Variants in GALNT13 observed in about 807,000 individuals in gnomAD.
The protein encoded by GALNT13 is UDP-GalNAc:polypeptide N-acetylgalactosaminyltransferase 13.
In GALNT13, 28 loss-of-function variants were observed where a neutral mutation model predicts 64.2. That is an observed-to-expected ratio of 0.44 (90% CI 0.32 to 0.60). GALNT13 has a LOEUF of 0.60. GALNT13 is among the 20% of genes least tolerant of loss of function. GALNT13 has a pLI of 0.05. For missense variants in GALNT13, 577 were observed against 669.8 expected (o/e 0.86, Z 1.53); for synonymous variants, 214 against 224.6 (o/e 0.95, Z 0.42).
chr2:153,524,064 TTTTG>T, the GALNT13 span, among the ~76,000 whole-genome samples: 25 of 152,166 alleles, frequency 1.6e-4, no homozygotes, highest in African/African-American at 4.8e-4. Context: ...ATTCATGTGT[TTTTG>T]TTTGTTTGTT....
the GALNT13 span, among the ~76,000 whole-genome samples, chr2:153,812,993 A>C: frequency 2.0e-5 from 3 of 152,190 alleles, no homozygotes; most frequent in Non-Finnish European, 4.4e-5. Flanking sequence ...TATAAAAATG[A>C]TCAAAGTGGT....
chr2:154,364,473 G>T (rs1458754742), intron 9 of GALNT13, among the ~76,000 whole-genome samples: 1 of 151,726 alleles, frequency 6.6e-6, no homozygotes, highest in Non-Finnish European at 1.5e-5. Context: ...TGTGATCACG[G>T]GCAGTTAGAA....
At chr2:153,718,426 TC>T in the GALNT13 span, among the ~76,000 whole-genome samples, 1 of 151,810 alleles carries the variant, frequency 6.6e-6, no homozygotes, top group Non-Finnish European at 1.5e-5. Context: ...TTTTTTTTTT[TC>T]ATGTTTTTGT....
chr2:153,631,987 A>G, the GALNT13 span, among the ~76,000 whole-genome samples: 1 of 152,126 alleles, frequency 6.6e-6, no homozygotes. Context: ...CCTACCTCTT[A>G]GGATAAAAAT....
the GALNT13 span, among the ~76,000 whole-genome samples, chr2:153,330,822 G>A: frequency 6.6e-6 from 1 of 152,138 alleles, no homozygotes. Flanking sequence ...ATGTTGGATA[G>A]CAGTAGTGAC....
chr2:153,588,567 G>T, the GALNT13 span, among the ~76,000 whole-genome samples: 4 of 152,184 alleles, frequency 2.6e-5, no homozygotes, highest in African/African-American at 9.6e-5. Flanking sequence ...CTGGGATGCA[G>T]GGCACCCTGA....
At chr2:153,812,169 A>G in the GALNT13 span, among the ~76,000 whole-genome samples, 1 of 152,324 alleles carries the variant, frequency 6.6e-6, no homozygotes, top group African/African-American at 2.4e-5. Context: ...AAATAAAATC[A>G]TGCATATTGT....
chr2:153,074,234 G>A, the GALNT13 span, among the ~76,000 whole-genome samples: 4 of 152,096 alleles, frequency 2.6e-5, no homozygotes, highest in African/African-American at 4.8e-5. Context: ...CACTGCATTA[G>A]CTATTGTGCT....
chr2:153,906,013 C>T (rs1574084033), intron 2 of GALNT13, among the ~76,000 whole-genome samples: 1 of 151,846 alleles, frequency 6.6e-6, no homozygotes, highest in Admixed American at 6.6e-5. Context: ...GAAATTTCAT[C>T]AAGCTACACA....
At chr2:153,217,187 TTAAG>T in the GALNT13 span, among the ~76,000 whole-genome samples, 3 of 152,084 alleles carry the variant, frequency 2.0e-5, no homozygotes, top group Non-Finnish European at 4.4e-5. Context: ...ATTTGTTGTA[TTAAG>T]TAGTCTATCT....
the GALNT13 span, among the ~76,000 whole-genome samples, chr2:153,333,659 C>T: frequency 1.1e-4 from 17 of 152,286 alleles, no homozygotes; most frequent in South Asian, 3.3e-3. Flanking sequence ...TTCCACATCA[C>T]AAAAATTTCC....
chr2:153,641,313 T>C, the GALNT13 span, among the ~76,000 whole-genome samples: 1 of 152,178 alleles, frequency 6.6e-6, no homozygotes, highest in Non-Finnish European at 1.5e-5. Flanking sequence ...GAAATATTTC[T>C]TAAGTGGTTA....
At chr2:153,650,559 C>G in the GALNT13 span, among the ~76,000 whole-genome samples, 1 of 152,196 alleles carries the variant, frequency 6.6e-6, no homozygotes, top group South Asian at 2.1e-4. Context: ...CTTCCTAGCA[C>G]TGATGGTCTT....
chr2:153,866,441 T>G, the GALNT13 span, among the ~76,000 whole-genome samples: 3 of 152,190 alleles, frequency 2.0e-5, no homozygotes, highest in South Asian at 6.2e-4. Flanking sequence ...TTTTTTGCTC[T>G]CATATATCCT....
chr2:154,418,050 G>T (rs1276263857), intron 11 of GALNT13, among the ~76,000 whole-genome samples: 1 of 151,924 alleles, frequency 6.6e-6, no homozygotes, highest in African/African-American at 2.4e-5. Flanking sequence ...ATAAATTGTA[G>T]TCTTTTTTGG....
At chr2:153,734,476 G>T in the GALNT13 span, among the ~76,000 whole-genome samples, 1 of 152,112 alleles carries the variant, frequency 6.6e-6, no homozygotes, top group Non-Finnish European at 1.5e-5. Flanking sequence ...ATAAACAAGG[G>T]ATCAGGGATA....
intron 3 of GALNT13, among the ~76,000 whole-genome samples, chr2:153,971,272 C>T (rs910963838): frequency 6.6e-6 from 1 of 152,184 alleles, no homozygotes; most frequent in African/African-American, 2.4e-5. Flanking sequence ...CCCATCTCTA[C>T]ACTCGCTGTC....
At chr2:154,395,790 A>G (rs1376935962) in intron 9 of GALNT13, among the ~76,000 whole-genome samples, 3 of 152,230 alleles carry the variant, frequency 2.0e-5, no homozygotes, top group Admixed American at 6.5e-5. Context: ...TTGAAAAGTC[A>G]TAACCAATGG....
the GALNT13 span, among the ~76,000 whole-genome samples, chr2:153,704,501 C>T: frequency 6.6e-6 from 1 of 152,162 alleles, no homozygotes; most frequent in African/African-American, 2.4e-5. Context: ...ACTTCTCTCT[C>T]AATGCACAAA....
Sources: allele counts gnomAD v4.1 joint callset (sites outside exome capture counted in the v4.1 genomes callset), GRCh38; gene constraint gnomAD v4.1.1; transcripts MANE v1.5; gene names NCBI Gene and HGNC (gene_info 2026-07-23, HGNC 2026-07-21).